PIGN: variants seen among roughly 807,000 people sequenced by gnomAD.
PIGN encodes phosphatidylinositol glycan anchor biosynthesis class N.
Under a neutral mutation model 125.4 loss-of-function variants are expected in PIGN, and 117 were observed. The ratio of observed to expected loss-of-function variants is 0.93; its 90% CI spans 0.80 to 1.09. The LOEUF is 1.09. PIGN is among the 50% of genes least tolerant of loss of function. PIGN has a pLI of 0.00. For missense variants in PIGN, 1,075 were observed against 1,094.9 expected (o/e 0.98, Z 0.26); for synonymous variants, 392 against 377.8 (o/e 1.04, Z -0.44).
rs561298823 is a variant in PIGN, at chr18:62,077,887, T to A, written c.2577-3066A>T. 3.9e-5 allele frequency among the ~76,000 whole-genome samples: 6 copies of A among 152,292 alleles called. No individual in the cohort carries two copies. In the East Asian group the frequency reaches 1.2e-3, roughly 29 times the overall value. On this transcript the variant is annotated intron_variant, in intron 28 of 30. Coordinates refer to ENST00000640252, the MANE Select transcript of PIGN (RefSeq NM_176787.5). ...CAAGATCGTGTGTGAGCAGCATCGG[T>A]CTTATTTGAGGTCTCTTTCCTTAGC...
At chr18:62,177,297 T>TC (rs2037559449) in intron 1 of PIGN, among the ~76,000 whole-genome samples, 1 of 152,214 alleles carries the variant, frequency 6.6e-6, no homozygotes, top group African/African-American at 2.4e-5. Context: ...TGCTGCTGAA[T>TC]CCCTCTTGTG....
At chr18:62,132,546 T>C (rs78722896) in intron 14 of PIGN, among the ~76,000 whole-genome samples, 10,413 of 152,232 alleles carry the variant, frequency 0.068, 672 homozygotes, top group African/African-American at 0.17. Context: ...ATATAATTAA[T>C]AAATTCTGAT....
Position 62,088,749 on chromosome 18 carries a change from AG to A in PIGN, c.2370+6del. On this transcript the variant is annotated splice_donor_region_variant and intron_variant, in intron 25 of 30. Coordinates refer to ENST00000640252, the MANE Select transcript of PIGN (RefSeq NM_176787.5). The stretch of plus-strand genomic sequence containing the variant: ...GCTCTTTAAACCAAAGTCTCCACAA[AG>A]GATACAAGGAAAAAGGCCCTACGGA... 1 of 1,513,072 alleles carries A rather than the reference AG, an allele frequency of 6.6e-7. No individual in the cohort carries two copies. The highest frequency in any genetic ancestry group is 9.0e-7 in the Non-Finnish European group (1 of 1,108,128). 93.7% of individuals were successfully genotyped at this position (1,513,072 alleles called of 1,614,324 possible).
At chr18:62,084,638 G>C in intron 26 of PIGN, 32 bp from the exon 27 acceptor site, 1 of 1,270,074 alleles carries the variant, frequency 7.9e-7, no homozygotes, top group African/African-American at 1.5e-5. Context: ...AAAGAATTTA[G>C]AATTCACTCT....
intron 3 of PIGN, 71 bp from the exon 4 acceptor site, chr18:62,161,456 G>A (rs924647805): frequency 1.5e-6 from 1 of 657,232 alleles, no homozygotes; most frequent in South Asian, 2.1e-5. Context: ...ATATTTTGAT[G>A]ATCACAAGTA....
downstream of PIGN, among the ~76,000 whole-genome samples, chr18:62,040,721 T>C (rs1364083952): frequency 6.6e-6 from 1 of 152,226 alleles, no homozygotes; most frequent in African/African-American, 2.4e-5. Flanking sequence ...ATATTACTTC[T>C]CATCAGCAAG....
chr18:62,084,424 A>T (rs1041095398), intron 27 of PIGN, 107 bp downstream of exon 27: 10 of 688,926 alleles, frequency 1.5e-5, no homozygotes, highest in Non-Finnish European at 2.2e-5. Flanking sequence ...AGCAGTGCCA[A>T]CTCTGAAAGG....
intron 30 of PIGN, among the ~76,000 whole-genome samples, chr18:62,064,920 T>TAA (rs34675492): frequency 1.4e-4 from 21 of 150,274 alleles, no homozygotes; most frequent in African/African-American, 1.7e-4. Context: ...TTGACACTTC[T>TAA]AAAAAAAAAA....
chr18:62,143,872 C>G (rs1421166629), intron 10 of PIGN, among the ~76,000 whole-genome samples: 1 of 152,146 alleles, frequency 6.6e-6, no homozygotes, highest in Admixed American at 6.6e-5. Flanking sequence ...CAAAGATAGG[C>G]TCATTCTTCC....
At chr18:62,079,005 C>G (rs1212788899) in intron 28 of PIGN, among the ~76,000 whole-genome samples, 1 of 152,064 alleles carries the variant, frequency 6.6e-6, no homozygotes. Flanking sequence ...TATCTGTGGC[C>G]CCTTCTTTTC....
At chr18:62,149,247 A>G (rs1228923766) in intron 7 of PIGN, among the ~76,000 whole-genome samples, 1 of 152,208 alleles carries the variant, frequency 6.6e-6, no homozygotes, top group Non-Finnish European at 1.5e-5. Flanking sequence ...AATTAGAGAA[A>G]CTATTCAAGA....
At chr18:62,156,503 T>C (rs551052381) in intron 6 of PIGN, among the ~76,000 whole-genome samples, 10 of 152,124 alleles carry the variant, frequency 6.6e-5, no homozygotes, top group South Asian at 4.2e-4. Flanking sequence ...GCTAATTTTT[T>C]GTTTGTTGTA....
At chr18:62,021,131 A>T (rs2030050465) in intron 23 of PIGN, among the ~76,000 whole-genome samples, 1 of 152,230 alleles carries the variant, frequency 6.6e-6, no homozygotes, top group South Asian at 2.1e-4. Flanking sequence ...TAAATGATCC[A>T]GGCATTTCAC....
chr18:62,154,718 T>C (rs888308747), intron 6 of PIGN, 67 bp from the exon 7 acceptor site: 13 of 763,520 alleles, frequency 1.7e-5, no homozygotes, highest in African/African-American at 3.5e-5. Flanking sequence ...AAATATGAGC[T>C]AGTCATTCAC....
intron 15 of PIGN, among the ~76,000 whole-genome samples, chr18:62,114,277 G>A (rs2035000357): frequency 6.6e-6 from 1 of 151,646 alleles, no homozygotes; most frequent in South Asian, 2.1e-4. Context: ...CAGGAGGATT[G>A]CTTGAACCTG....
At position 62,042,979 on chromosome 18, in the gene PIGN, A is replaced by T. The variant is rs1256325964; in HGVS notation, c.*2877T>A. 6.6e-6 allele frequency: 1 copy of T among 152,194 alleles called. No individual in the cohort carries two copies. Among genetic ancestry groups the T allele is most frequent in the East Asian group, 1.9e-4 (1 of 5,206 alleles). The allele number at this position is 152,194 out of a possible 1,614,324, so 9.4% of individuals were successfully genotyped here. A position where few individuals can be genotyped will look rare whatever the true frequency, so the allele number is the denominator to read the frequency against. On this transcript the variant is annotated 3_prime_UTR_variant, in exon 31 of 31. Transcript: ENST00000640252. ...ACAGAAATGGGAAAATGCTACAAAG[A>T]TATTGCCATAGTACTGAAAGCACAC...
intron 1 of PIGN, among the ~76,000 whole-genome samples, chr18:62,164,462 G>A (rs1011175043): frequency 1.3e-5 from 2 of 152,150 alleles, no homozygotes; most frequent in Non-Finnish European, 2.9e-5. Context: ...GAAGACAAAG[G>A]AGAAGCAAGC....
At position 62,111,137 on chromosome 18, in the gene PIGN, T is replaced by C. The variant is rs536042900; in HGVS notation, c.1435-1164A>G. Among the ~76,000 whole-genome samples, 5 of 152,212 alleles carry C rather than the reference T, an allele frequency of 3.3e-5. No homozygotes were observed. In the South Asian group the frequency reaches 1.0e-3, roughly 32 times the overall value. On this transcript the variant is annotated intron_variant, in intron 16 of 30. Coordinates refer to ENST00000640252, the MANE Select transcript of PIGN (RefSeq NM_176787.5). The stretch of plus-strand genomic sequence containing the variant: ...TTCAAGTGTCAGAAAATATGGGTTC[T>C]GTCATTTAAAACCCATGTGTCCTTG...
intron 6 of PIGN, among the ~76,000 whole-genome samples, chr18:62,156,006 T>C (rs2036718936): frequency 6.6e-6 from 1 of 152,228 alleles, no homozygotes; most frequent in Non-Finnish European, 1.5e-5. Context: ...ATAGTTCCCA[T>C]TATTTTAATT....
Sources: gnomAD v4.1 joint callset for allele counts (sites outside exome capture counted in the v4.1 genomes callset) on GRCh38, gnomAD v4.1.1 for gene constraint, MANE v1.5 for transcripts, NCBI Gene and HGNC (gene_info 2026-07-23, HGNC 2026-07-21) for gene names.